Variants in PPFIBP2 observed in about 807,000 individuals in gnomAD.
PPFIBP2 encodes the protein PPFIB scaffold protein 2.
PPFIBP2 carries 118 observed loss-of-function variants against 118.3 expected under a neutral mutation model. The ratio of observed to expected loss-of-function variants is 1.00; its 90% CI spans 0.86 to 1.16. PPFIBP2 has a LOEUF of 1.16. Among genes scored for constraint, PPFIBP2 ranks in the 50% most tolerant of loss-of-function variants. The probability of loss-of-function intolerance (pLI) is 0.00; values close to 1 mark genes in which losing one functional copy is unlikely to be tolerated. For synonymous variants in PPFIBP2, 414 were observed against 397.4 expected, an observed-to-expected ratio of 1.04 and a Z score of -0.50; for missense variants, 1,195 against 1,073.1, an observed-to-expected ratio of 1.11 and a Z score of -1.59.
chr11:7,591,618 TTGTC>T (rs1451385582), intron 3 of PPFIBP2, among the ~76,000 whole-genome samples: 1 of 152,112 alleles, frequency 6.6e-6, no homozygotes, highest in Non-Finnish European at 1.5e-5. Flanking sequence ...TTAAGGTTCT[TTGTC>T]TGTGGCATGA....
intron 5 of PPFIBP2, among the ~76,000 whole-genome samples, chr11:7,608,049 C>G (rs1353124104): frequency 1.3e-5 from 2 of 152,126 alleles, no homozygotes; most frequent in Non-Finnish European, 2.9e-5. Flanking sequence ...CTCACGTACT[C>G]AAGACTCAGA....
At chr11:7,659,915 G>A (rs2136090328), downstream of PPFIBP2, among the ~76,000 whole-genome samples, 2 of 122,744 alleles carry the variant, frequency 1.6e-5, 1 homozygote, top group East Asian at 4.1e-4. Context: ...AAGCAATTGT[G>A]AATGGGAATT....
intron 14 of PPFIBP2, among the ~76,000 whole-genome samples, chr11:7,638,537 A>C (rs148074314): frequency 5.3e-5 from 8 of 152,346 alleles, no homozygotes; most frequent in Admixed American, 1.3e-4. Context: ...TGAATTGGAA[A>C]TATATTGGAT....
At chr11:7,585,774 A>C (rs1285482176) in intron 3 of PPFIBP2, among the ~76,000 whole-genome samples, 1 of 152,240 alleles carries the variant, frequency 6.6e-6, no homozygotes, top group East Asian at 1.9e-4. Context: ...CACTGCAGTC[A>C]GAGGGTGATG....
At chr11:7,652,255 A>T (rs757010677) in intron 23 of PPFIBP2, among the ~76,000 whole-genome samples, 1 of 152,324 alleles carries the variant, frequency 6.6e-6, no homozygotes, top group East Asian at 1.9e-4. Context: ...AGTGCTTCCA[A>T]TGGAAGCTGG....
the PPFIBP2 span, among the ~76,000 whole-genome samples, chr11:7,663,517 A>C: frequency 1.3e-5 from 2 of 152,176 alleles, no homozygotes; most frequent in African/African-American, 4.8e-5. Context: ...TCAGATCTGC[A>C]GCTGCGAGCT....
At chr11:7,538,471 G>A (rs932474115) in intron 1 of PPFIBP2, 2 of 152,770 alleles carry the variant, frequency 1.3e-5, no homozygotes, top group Non-Finnish European at 2.9e-5. Flanking sequence ...GGGTCATGGA[G>A]CCTTGCTTAA....
At chr11:7,650,686 G>A in intron 21 of PPFIBP2, 154 bp from the exon 22 acceptor site, 1 of 632,214 alleles carries the variant, frequency 1.6e-6, no homozygotes, top group East Asian at 2.9e-5. Context: ...TGGGGAGGCT[G>A]GTGCTCTGGC....
intron 1 of PPFIBP2, among the ~76,000 whole-genome samples, chr11:7,536,505 C>T (rs1457820423): frequency 6.6e-6 from 1 of 151,830 alleles, no homozygotes; most frequent in South Asian, 2.1e-4. Context: ...CAGTGATGAT[C>T]GAAGATTAGG....
At chr11:7,605,553 C>T (rs1364585550) in intron 5 of PPFIBP2, among the ~76,000 whole-genome samples, 1 of 152,130 alleles carries the variant, frequency 6.6e-6, no homozygotes, top group Non-Finnish European at 1.5e-5. Context: ...GGAATCACGA[C>T]AAAAGACTAA....
intron 1 of PPFIBP2, among the ~76,000 whole-genome samples, chr11:7,523,933 T>G (rs185405500): frequency 1.1e-3 from 164 of 152,326 alleles, no homozygotes; most frequent in East Asian, 3.9e-4. Context: ...CTTGTGTGCA[T>G]GGTTGAAATG....
chr11:7,627,609 C>A lies in PPFIBP2; in HGVS notation c.827-676C>A, dbSNP rs539800182. Among the ~76,000 whole-genome samples the A allele has an allele frequency of 2.3e-4, 35 of 152,260 alleles. No individual in the cohort carries two copies. The South Asian group carries it at 6.8e-3, about 30-fold the overall frequency. On this transcript the variant is annotated intron_variant, in intron 8 of 23. Transcript: ENST00000299492. ...AAACAGTTAAGGAATCAACAGAGTC[C>A]CTCTTGGGTCCAAACTGAGAGAAGG...
intron 2 of PPFIBP2, among the ~76,000 whole-genome samples, chr11:7,562,210 T>C (rs1854377333): frequency 6.6e-6 from 1 of 152,230 alleles, no homozygotes; most frequent in Admixed American, 6.5e-5. Context: ...GGCCATGGAC[T>C]GGTACCAGTC....
chr11:7,615,486 T>A (rs1242531278), intron 6 of PPFIBP2, among the ~76,000 whole-genome samples: 1 of 152,042 alleles, frequency 6.6e-6, no homozygotes, highest in Non-Finnish European at 1.5e-5. Flanking sequence ...AGCAGAGGGA[T>A]GAAAATAGAT....
intron 6 of PPFIBP2, among the ~76,000 whole-genome samples, chr11:7,611,076 T>TA: frequency 6.6e-6 from 1 of 152,364 alleles, no homozygotes; most frequent in African/African-American, 2.4e-5. Context: ...CCTGTGCCTC[T>TA]ACCTTTAAGT....
intron 1 of PPFIBP2, among the ~76,000 whole-genome samples, chr11:7,540,419 T>G (rs1289324535): frequency 6.6e-6 from 1 of 151,882 alleles, no homozygotes; most frequent in Non-Finnish European, 1.5e-5. Flanking sequence ...AAAGGGAAGG[T>G]CCAAGGCTGA....
At position 7,625,801 on chromosome 11, in the gene PPFIBP2, C is replaced by T. The variant is rs1187519989; in HGVS notation, c.736C>T (p.Gln246Ter). 6.2e-7 allele frequency: 1 copy of T among 1,614,220 alleles called. No homozygotes were observed. The highest frequency in any genetic ancestry group is 8.5e-7 in the Non-Finnish European group (1 of 1,180,016). ...GGCTGAAGTCGCCCAGCTGCAAGAACAGGTGGCCCTGAAAGATGCAGAAAT... is the reference window on the plus strand; with the variant it reads ...GGCTGAAGTCGCCCAGCTGCAAGAATAGGTGGCCCTGAAAGATGCAGAAAT... ...TKAEVAQLQE[Q>*]VALKDAEIER... is the part of the protein sequence containing the mutation. Residue 246 changes from glutamine (Q) to a stop codon, truncating the protein, a stop_gained, in exon 8 of 24, where the codon CAG becomes TAG. Coordinates refer to ENST00000299492, the MANE Select transcript of PPFIBP2 (RefSeq NM_003621.5). LOFTEE classifies it high-confidence loss of function.
chr11:7,642,527 A>C, intron 17 of PPFIBP2, 101 bp downstream of exon 17: 5 of 1,322,314 alleles, frequency 3.8e-6, no homozygotes, highest in African/African-American at 1.5e-5. Context: ...TTTTGCGGAA[A>C]CCCCTTTCCA....
chr11:7,562,550 AC>A (rs2134684927), intron 2 of PPFIBP2, among the ~76,000 whole-genome samples: 1 of 152,280 alleles, frequency 6.6e-6, no homozygotes, highest in Non-Finnish European at 1.5e-5. Context: ...TCCACAAATT[AC>A]GAATATTAAG....
Sources: gnomAD v4.1 joint callset for allele counts (sites outside exome capture counted in the v4.1 genomes callset) on GRCh38, gnomAD v4.1.1 for gene constraint, MANE v1.5 for transcripts, NCBI Gene and HGNC (gene_info 2026-07-23, HGNC 2026-07-21) for gene names.